Variants in TENM2 observed in about 807,000 individuals in gnomAD.
TENM2 encodes teneurin-2.
A neutral mutation model predicts 245.2 loss-of-function variants in TENM2; 52 were observed. That is an observed-to-expected ratio of 0.21 (90% CI 0.17 to 0.27). The LOEUF is 0.27. Ranked by LOEUF, TENM2 falls within the 10% of genes least tolerant of loss-of-function variation. The pLI, the probability that TENM2 is intolerant of heterozygous loss-of-function variation, is 1.00. For missense variants in TENM2, 3,046 were observed against 3,666.8 expected (o/e 0.83, Z 4.37); for synonymous variants, 1,363 against 1,438.9 (o/e 0.95, Z 1.19).
intron 2 of TENM2, among the ~76,000 whole-genome samples, chr5:167,827,264 A>G (rs1768046254): frequency 6.6e-6 from 1 of 152,246 alleles, no homozygotes. Flanking sequence ...TCAGTGGAAC[A>G]GAATGCAATT....
the TENM2 span, among the ~76,000 whole-genome samples, chr5:167,054,782 T>G: frequency 6.6e-6 from 1 of 152,276 alleles, no homozygotes; most frequent in Non-Finnish European, 1.5e-5. Context: ...ATGAATATGA[T>G]ATTGAACATC....
intron 2 of TENM2, among the ~76,000 whole-genome samples, chr5:167,611,243 T>G (rs1308628043): frequency 2.6e-5 from 4 of 152,192 alleles, no homozygotes; most frequent in Non-Finnish European, 5.9e-5. Flanking sequence ...ATCTCTACTT[T>G]TTTTTCTTTA....
At chr5:167,136,622 T>G in the TENM2 span, among the ~76,000 whole-genome samples, 1 of 152,160 alleles carries the variant, frequency 6.6e-6, no homozygotes, top group Non-Finnish European at 1.5e-5. Context: ...CTATATTGCT[T>G]TTCTCACTGT....
At chr5:167,483,102 T>C (rs1471104029) in intron 2 of TENM2, among the ~76,000 whole-genome samples, 2 of 152,240 alleles carry the variant, frequency 1.3e-5, no homozygotes, top group African/African-American at 4.8e-5. Context: ...TCCTCACTTG[T>C]AACATAGGAG....
At chr5:167,264,564 A>G in the TENM2 span, among the ~76,000 whole-genome samples, 2 of 152,174 alleles carry the variant, frequency 1.3e-5, no homozygotes, top group Non-Finnish European at 2.9e-5. Flanking sequence ...CTCGCCTGGC[A>G]GCTGCAATTG....
intron 25 of TENM2, among the ~76,000 whole-genome samples, chr5:168,237,121 T>C (rs1364452540): frequency 1.4e-5 from 2 of 138,982 alleles, no homozygotes; most frequent in African/African-American, 5.4e-5. Context: ...GTTCAAGCCA[T>C]TCTCCTGCCT....
chr5:168,158,116 T>G (rs1014159854), intron 12 of TENM2, among the ~76,000 whole-genome samples: 2 of 152,098 alleles, frequency 1.3e-5, no homozygotes, highest in Admixed American at 1.3e-4. Flanking sequence ...AGACATGAGA[T>G]TTCACCATTT....
At chr5:167,725,228 T>G (rs1211877953) in intron 2 of TENM2, among the ~76,000 whole-genome samples, 19 of 152,258 alleles carry the variant, frequency 1.2e-4, no homozygotes, top group Non-Finnish European at 1.2e-4. Flanking sequence ...TAAGCATAAC[T>G]CCTATGATAT....
the TENM2 span, among the ~76,000 whole-genome samples, chr5:167,113,940 T>A: frequency 1.3e-5 from 2 of 152,120 alleles, no homozygotes; most frequent in Non-Finnish European, 1.5e-5. Context: ...TAAATAGGGT[T>A]GTAAAAATCA....
chr5:167,741,354 G>A (rs1480496877), intron 2 of TENM2, among the ~76,000 whole-genome samples: 1 of 152,148 alleles, frequency 6.6e-6, no homozygotes, highest in African/African-American at 2.4e-5. Flanking sequence ...GGTTAAGAAA[G>A]GATGAGTTAG....
chr5:167,407,859 C>T (rs1424244134), intron 2 of TENM2, among the ~76,000 whole-genome samples: 1 of 152,100 alleles, frequency 6.6e-6, no homozygotes, highest in African/African-American at 2.4e-5. Context: ...CAGAAATTGG[C>T]CTACAGGCCA....
chr5:167,076,861 CAG>C, the TENM2 span, among the ~76,000 whole-genome samples: 1 of 151,492 alleles, frequency 6.6e-6, no homozygotes, highest in African/African-American at 2.4e-5. Flanking sequence ...CTTTTTTTGA[CAG>C]AGTCTCGCCC....
intron 2 of TENM2, among the ~76,000 whole-genome samples, chr5:167,867,697 G>A (rs1772444789): frequency 6.6e-6 from 1 of 152,166 alleles, no homozygotes; most frequent in Non-Finnish European, 1.5e-5. Flanking sequence ...TCGTCTCATT[G>A]AGAAGACATA....
At chr5:167,261,525 C>A in the TENM2 span, among the ~76,000 whole-genome samples, 14 of 152,250 alleles carry the variant, frequency 9.2e-5, no homozygotes, top group Admixed American at 8.5e-4. Context: ...TCTTCTTCAT[C>A]ATTATCATCA....
chr5:167,293,520 CCT>C (rs1039746286), intron 1 of TENM2, among the ~76,000 whole-genome samples: 3 of 151,696 alleles, frequency 2.0e-5, no homozygotes, highest in Admixed American at 2.0e-4. Flanking sequence ...GCACCTGGCC[CCT>C]GATTGTTGGC....
intron 12 of TENM2, among the ~76,000 whole-genome samples, chr5:168,144,395 T>A (rs1755854825): frequency 6.6e-6 from 1 of 151,986 alleles, no homozygotes; most frequent in African/African-American, 2.4e-5. Context: ...GTGATCTCAT[T>A]GTTCAATTCC....
chr5:167,912,278 TATC>T (rs1362399577), intron 3 of TENM2, among the ~76,000 whole-genome samples: 3 of 152,242 alleles, frequency 2.0e-5, no homozygotes, highest in Non-Finnish European at 4.4e-5. Flanking sequence ...TTATTTCACT[TATC>T]ATAATGTCCT....
At chr5:168,057,986 G>T (rs926556845) in intron 6 of TENM2, among the ~76,000 whole-genome samples, 5 of 152,124 alleles carry the variant, frequency 3.3e-5, no homozygotes, top group Non-Finnish European at 5.9e-5. Flanking sequence ...TGGATGTACA[G>T]CATCAGCAGG....
At chr5:167,809,721 CAA>C (rs1324832348) in intron 2 of TENM2, among the ~76,000 whole-genome samples, 2 of 152,080 alleles carry the variant, frequency 1.3e-5, no homozygotes, top group Admixed American at 1.3e-4. Flanking sequence ...TGAGTGGAGG[CAA>C]AGTGTTAGGG....
Sources: allele counts gnomAD v4.1 joint callset (sites outside exome capture counted in the v4.1 genomes callset), GRCh38; gene constraint gnomAD v4.1.1; transcripts MANE v1.5; gene names NCBI Gene and HGNC (gene_info 2026-07-23, HGNC 2026-07-21).